CACNB3: variants seen among roughly 807,000 people sequenced by gnomAD.
CACNB3 encodes calcium voltage-gated channel auxiliary subunit beta 3, also known as voltage-dependent L-type calcium channel subunit beta-3.
Under a neutral mutation model 63.7 loss-of-function variants are expected in CACNB3, and 36 were observed. That is an observed-to-expected ratio of 0.57 (90% CI 0.43 to 0.75). The LOEUF is 0.75. CACNB3 is among the 30% of genes least tolerant of loss of function. The pLI is 0.00. For synonymous variants in CACNB3, 241 were observed against 250.6 expected (o/e 0.96, Z 0.36); for missense variants, 493 against 648.6 (o/e 0.76, Z 2.61).
intron 1 of CACNB3, 94 bp downstream of exon 1, chr12:48,819,068 C>T: frequency 3.7e-6 from 5 of 1,365,516 alleles, no homozygotes; most frequent in Non-Finnish European, 4.1e-6. Context: ...TGAAAAACGC[C>T]TCAGTGGCAG....
chr12:48,827,493 A>C, intron 12 of CACNB3, 92 bp from the exon 13 acceptor site: 15 of 1,150,484 alleles, frequency 1.3e-5, no homozygotes, highest in Non-Finnish European at 1.6e-5. Flanking sequence ...TTACCGGGGA[A>C]TTGAGAGTTG....
chr12:48,823,422 C>A lies in CACNB3; in HGVS notation c.124C>A (p.Arg42Ser). 6.2e-7 allele frequency: 1 copy of A among 1,614,076 alleles called. No individual in the cohort carries two copies. Residue 42 changes from arginine to serine, a missense_variant, in exon 2 of 13, where the codon CGT becomes AGT. Transcript: ENST00000301050. This position sits in a 1 kb window ranked among gnomAD's most constrained non-coding sequence, Gnocchi z 4.2. ...GGAGGAGGACCGGGAGAGTGCCCGGCGTGAAGTAGAGAGCCAGGCTCAGCA... is the reference window on the plus strand; with the variant it reads ...GGAGGAGGACCGGGAGAGTGCCCGGAGTGAAGTAGAGAGCCAGGCTCAGCA... ...SLEEDRESAR[R>S]EVESQAQQQL...
upstream of CACNB3, chr12:48,814,607 G>A (rs1038061387): frequency 1.1e-4 from 160 of 1,476,828 alleles, no homozygotes; most frequent in Non-Finnish European, 1.4e-5. The surrounding 1 kb of genome is among the most constrained non-coding windows in gnomAD (Gnocchi z 6.9). Context: ...GGAGCCCCAC[G>A]GGGTGGGAAT....
At chr12:48,819,290 A>C (rs908036001) in intron 1 of CACNB3, among the ~76,000 whole-genome samples, 1 of 152,070 alleles carries the variant, frequency 6.6e-6, no homozygotes, top group African/African-American at 2.4e-5. Flanking sequence ...GGCTCTGGAG[A>C]GGGAACACGC....
At position 48,825,108 on chromosome 12, in the gene CACNB3, G is replaced by A. The variant is rs1304434980; in HGVS notation, c.493-55G>A. On this transcript the variant is annotated intron_variant, in intron 6 of 12. Transcript: ENST00000301050. The surrounding 1 kb of genome is among the most constrained non-coding windows in gnomAD (Gnocchi z 4.5). ...CTGGATCTGCCCTGACGCCAACCAG[G>A]CATGAGACAGGCACCAGGGCCATGG... 6.3e-7 allele frequency: 1 copy of A among 1,598,716 alleles called. No homozygotes were observed. The highest frequency in any genetic ancestry group is 8.6e-7 in the Non-Finnish European group (1 of 1,166,296).
chr12:48,826,461 G>A lies in CACNB3; in HGVS notation c.837G>A (p.Gln279=). The A allele has an allele frequency of 1.2e-6, 2 of 1,614,176 alleles. No individual in the cohort carries two copies. Among genetic ancestry groups the A allele is most frequent in the South Asian group, 1.1e-5 (1 of 91,080 alleles). ...CTGACACCATCAACCACCCAGCACA[G>A]CTGGCCAAGACCTCGCTGGCCCCCA... is the stretch of plus-strand genomic sequence containing the variant. ...LDADTINHPA[Q]LAKTSLAPII... Residue 279 remains glutamine (Q), a synonymous_variant, in exon 10 of 13, where the codon CAG becomes CAA. Transcript: ENST00000301050. The surrounding 1 kb of genome is among the most constrained non-coding windows in gnomAD (Gnocchi z 4.8).
At chr12:48,824,847 G>T in intron 5 of CACNB3, 102 bp from the exon 6 acceptor site, 2 of 1,521,866 alleles carry the variant, frequency 1.3e-6, no homozygotes, top group Non-Finnish European at 1.8e-6. Context: ...GATTGGAAGG[G>T]GTGGGGAGAA....
Position 48,828,022 on chromosome 12 carries a change from C to T in CACNB3, c.*123C>T. On this transcript the variant is annotated 3_prime_UTR_variant, in exon 13 of 13. Transcript: ENST00000301050. ...GGCTCAGCCCCCAAAACCCCCTGCC[C>T]AGCCCCAGCTTCAGGGCTGCCTGTG... 1.2e-6 allele frequency: 1 copy of T among 828,266 alleles called. No individual in the cohort carries two copies. Among genetic ancestry groups the T allele is most frequent in the Non-Finnish European group, 1.9e-6 (1 of 523,518 alleles). 51.3% of individuals were successfully genotyped at this position (828,266 alleles called of 1,614,324 possible).
chr12:48,823,850 C>A lies in CACNB3; in HGVS notation c.291+47C>A, dbSNP rs760603175. ...AGAAGCCTCTAACTTCATTTTCTTGCTCTTGCTCCAGATCCTAATGCTTCT... is the reference window on the plus strand; with the variant it reads ...AGAAGCCTCTAACTTCATTTTCTTGATCTTGCTCCAGATCCTAATGCTTCT... On this transcript the variant is annotated intron_variant, in intron 3 of 12. Coordinates refer to ENST00000301050, the MANE Select transcript of CACNB3 (RefSeq NM_000725.4). The surrounding 1 kb of genome is among the most constrained non-coding windows in gnomAD (Gnocchi z 4.2). The A allele has an allele frequency of 3.1e-6, 5 of 1,611,218 alleles. No homozygotes were observed. In the African/African-American group the frequency reaches 6.7e-5, roughly 22 times the overall value.
In CACNB3 at chr12:48,825,265, C is replaced by A; in HGVS notation, c.573+22C>A. 1 of 1,608,542 alleles carries A rather than the reference C, an allele frequency of 6.2e-7. No individual in the cohort carries two copies. Among genetic ancestry groups the A allele is most frequent in the East Asian group, 2.2e-5 (1 of 44,724 alleles). On this transcript the variant is annotated intron_variant, in intron 7 of 12. Transcript: ENST00000301050. The surrounding 1 kb of genome is among the most constrained non-coding windows in gnomAD (Gnocchi z 4.5). ...TGAGGTGAGAGGAGGTCCTTGACCC[C>A]AAAGAGTCACCTCTACCAAGCCTGC...
Position 48,823,795 on chromosome 12 carries a change from A to G in CACNB3, c.283A>G (p.Ile95Val). The G allele has an allele frequency of 6.2e-7, 1 of 1,614,094 alleles. No individual in the cohort carries two copies. The highest frequency in any genetic ancestry group is 8.5e-7 in the Non-Finnish European group (1 of 1,180,002). ...CTTTGAGGCCAAAGATTTTCTGCAC[A>G]TTAAAGAGGTGATCGACCCCCCTAC... ...VNFEAKDFLH[I>V]KEKYSNDWWI... The change falls in exon 3 of 13, where the codon ATT becomes GTT. Residue 95 changes from isoleucine to valine, a missense_variant. By Grantham distance (29) the Ile-to-Val change is conservative (BLOSUM62 3). Coordinates refer to ENST00000301050, the MANE Select transcript of CACNB3 (RefSeq NM_000725.4). This position sits in a 1 kb window ranked among gnomAD's most constrained non-coding sequence, Gnocchi z 4.2.
At chr12:48,814,660 T>A, upstream of CACNB3, 1 of 1,175,212 alleles carries the variant, frequency 8.5e-7, no homozygotes, top group Non-Finnish European at 1.2e-6. This position sits in a 1 kb window ranked among gnomAD's most constrained non-coding sequence, Gnocchi z 6.9. Context: ...GGTCTCGAGC[T>A]GGGACTGCAG....
chr12:48,815,626 G>A, upstream of CACNB3: 1 of 1,523,110 alleles, frequency 6.6e-7, no homozygotes, highest in South Asian at 1.2e-5. Flanking sequence ...CAGCGGCCGG[G>A]TTTTGCTCCC....
At chr12:48,815,490 G>A, upstream of CACNB3, 1 of 1,334,726 alleles carries the variant, frequency 7.5e-7, no homozygotes, top group South Asian at 1.5e-5. Flanking sequence ...AGAAAGGAAG[G>A]GAGAGGGAGG....
In CACNB3 at chr12:48,826,772, T is replaced by G; in HGVS notation, c.908T>G (p.Leu303Arg). 6.2e-7 allele frequency: 1 copy of G among 1,613,934 alleles called. No homozygotes were observed. Among genetic ancestry groups the G allele is most frequent in the Non-Finnish European group, 8.5e-7 (1 of 1,179,852 alleles). Residue 303 changes from leucine (L) to arginine (R), a missense_variant, in exon 11 of 13, where the codon CTC (leucine) becomes CGC (arginine). Physicochemically the swap from Leu to Arg is moderately radical, Grantham distance 102. Coordinates refer to ENST00000301050, the MANE Select transcript of CACNB3 (RefSeq NM_000725.4). This position sits in a 1 kb window ranked among gnomAD's most constrained non-coding sequence, Gnocchi z 4.8. ...KVSSPKVLQR[L>R]IRSRGKSQMK... ...CTCCCCGCTCAGGTACTCCAGCGTCTCATTCGCTCCCGGGGGAAGTCACAG... is the reference window on the plus strand; with the variant it reads ...CTCCCCGCTCAGGTACTCCAGCGTCGCATTCGCTCCCGGGGGAAGTCACAG...
At chr12:48,820,830 A>C (rs1937810293) in intron 1 of CACNB3, 1 of 152,158 alleles carries the variant, frequency 6.6e-6, no homozygotes, top group African/African-American at 2.4e-5. Flanking sequence ...ATATTTAGGA[A>C]GAGATCCTGT....
Position 48,825,347 on chromosome 12 carries a change from A to G in CACNB3, c.574-87A>G. Reference sequence around the variant, plus strand: ...TGTGTCTCCTCCGTCCAGGGTGTGTATGTGGAGCGCATTGACTCTGGGGCC... The same window carrying G: ...TGTGTCTCCTCCGTCCAGGGTGTGTGTGTGGAGCGCATTGACTCTGGGGCC... On this transcript the variant is annotated intron_variant, in intron 7 of 12. Transcript: ENST00000301050. The surrounding 1 kb of genome is among the most constrained non-coding windows in gnomAD (Gnocchi z 4.5). 1.3e-6 allele frequency: 2 copies of G among 1,568,492 alleles called. No homozygotes were observed. Among genetic ancestry groups the G allele is most frequent in the Non-Finnish European group, 1.8e-6 (2 of 1,138,984 alleles).
chr12:48,814,541 G>C (rs1448789775), upstream of CACNB3: 1 of 1,528,094 alleles, frequency 6.5e-7, no homozygotes, highest in Non-Finnish European at 8.7e-7. This position sits in a 1 kb window ranked among gnomAD's most constrained non-coding sequence, Gnocchi z 6.9. Flanking sequence ...CGCCCCTCGA[G>C]ACCAGGATGG....
intron 1 of CACNB3, chr12:48,821,091 G>A (rs942399179): frequency 3.3e-5 from 5 of 151,748 alleles, no homozygotes; most frequent in Admixed American, 1.3e-4. Flanking sequence ...GGCTGGGGCA[G>A]TAGAATTGCT....
Sources: allele counts gnomAD v4.1 joint callset (sites outside exome capture counted in the v4.1 genomes callset), GRCh38; gene constraint gnomAD v4.1.1; non-coding constraint Gnocchi (gnomAD v3.1); transcripts MANE v1.5; gene names NCBI Gene and HGNC (gene_info 2026-07-23, HGNC 2026-07-21).